The following DPP6 variants were observed in gnomAD, a reference collection of about 807,000 sequenced individuals.
DPP6 encodes the protein dipeptidyl peptidase like 6.
Under a neutral mutation model 122.6 loss-of-function variants are expected in DPP6, and 69 were observed. That is an observed-to-expected ratio of 0.56 (90% CI 0.46 to 0.69). DPP6 has a LOEUF of 0.69. Among genes scored for constraint, DPP6 ranks in the 30% least tolerant of loss-of-function variants. The pLI is 0.00. For synonymous variants in DPP6, 418 were observed against 433.1 expected (o/e 0.97, Z 0.43); for missense variants, 928 against 1,116.9 (o/e 0.83, Z 2.41).
intron 1 of DPP6, among the ~76,000 whole-genome samples, chr7:154,203,431 G>T (rs901100265): frequency 6.6e-6 from 1 of 152,054 alleles, no homozygotes; most frequent in Admixed American, 6.6e-5. Context: ...CCTTGTCCTC[G>T]CAGGTCATTC....
At chr7:154,159,978 A>G (rs1333542723) in intron 1 of DPP6, among the ~76,000 whole-genome samples, 6 of 152,328 alleles carry the variant, frequency 3.9e-5, no homozygotes, top group African/African-American at 1.2e-4. Context: ...GTATGGTGGC[A>G]CATGCCTTTA....
rs1451175285 is a variant in DPP6, at chr7:154,605,725, A to G, written c.628-32096A>G. Among the ~76,000 whole-genome samples the G allele has an allele frequency of 3.4e-5, 4 of 117,802 alleles. 1 individual carries two copies. The highest frequency in any genetic ancestry group is 1.1e-4 in the African/African-American group (4 of 37,340). 77.3% of individuals were successfully genotyped at this position (117,802 alleles called of 152,430 possible). ...CATTAGTACCTACTCTTATTGATTG[A>G]TTCCTTCTTTCTGCTATCTTTGCAT... is the stretch of plus-strand genomic sequence containing the variant. On this transcript the variant is annotated intron_variant, in intron 5 of 25. Transcript: ENST00000377770.
At chr7:154,787,385 CT>C (rs1282526538) in intron 10 of DPP6, among the ~76,000 whole-genome samples, 1 of 150,694 alleles carries the variant, frequency 6.6e-6, no homozygotes, top group Non-Finnish European at 1.5e-5. Flanking sequence ...CCTTTCCCTA[CT>C]GATTTGGAAT....
At chr7:153,933,539 C>T (rs529830516) in intron 1 of DPP6, among the ~76,000 whole-genome samples, 9 of 152,314 alleles carry the variant, frequency 5.9e-5, no homozygotes, top group Admixed American at 2.0e-4. Flanking sequence ...CACTATCTGG[C>T]GTTGCACCAG....
intron 2 of DPP6, among the ~76,000 whole-genome samples, chr7:154,453,125 G>C (rs556703645): frequency 6.6e-6 from 1 of 152,140 alleles, no homozygotes; most frequent in Non-Finnish European, 1.5e-5. Flanking sequence ...TGCCACAATC[G>C]CTGACGTGGG....
chr7:154,472,016 GA>G (rs1299760216), intron 2 of DPP6, among the ~76,000 whole-genome samples: 12 of 152,176 alleles, frequency 7.9e-5, no homozygotes, highest in Admixed American at 5.9e-4. Flanking sequence ...AGTCAAAAAG[GA>G]AAAACTTAAG....
chr7:153,772,925 TAAAAG>T, the DPP6 span, among the ~76,000 whole-genome samples: 15 of 142,298 alleles, frequency 1.1e-4, no homozygotes, highest in South Asian at 6.4e-4. Context: ...TAATAATATA[TAAAAG>T]AAAAGACTTT....
At chr7:154,362,716 T>C (rs1811833275) in intron 1 of DPP6, among the ~76,000 whole-genome samples, 1 of 152,002 alleles carries the variant, frequency 6.6e-6, no homozygotes, top group Non-Finnish European at 1.5e-5. Flanking sequence ...TGAGCCACCA[T>C]GCCTGGCCGC....
intron 1 of DPP6, among the ~76,000 whole-genome samples, chr7:154,444,589 T>C (rs1482523645): frequency 6.6e-6 from 1 of 152,252 alleles, no homozygotes; most frequent in African/African-American, 2.4e-5. Context: ...AATGGTTTCC[T>C]TGGAATTTCA....
chr7:154,230,618 A>C (rs1267987151), intron 1 of DPP6, among the ~76,000 whole-genome samples: 2 of 152,164 alleles, frequency 1.3e-5, no homozygotes, highest in Non-Finnish European at 2.9e-5. Flanking sequence ...TGTCCCCCTG[A>C]GTTAGATGTA....
intron 1 of DPP6, among the ~76,000 whole-genome samples, chr7:154,322,572 A>ACTCCTC (rs1190117099): frequency 1.3e-5 from 2 of 152,284 alleles, no homozygotes; most frequent in East Asian, 3.9e-4. Context: ...TGAGACCTGA[A>ACTCCTC]CTCCTCCTTC....
intron 2 of DPP6, among the ~76,000 whole-genome samples, chr7:154,468,081 G>C (rs6947300): frequency 0.12 from 18,716 of 152,172 alleles, 3,880 homozygotes; most frequent in African/African-American, 0.43. Context: ...TGCATGAAAA[G>C]ATGCTCAACA....
intron 1 of DPP6, among the ~76,000 whole-genome samples, chr7:154,203,620 T>C (rs909088729): frequency 2.0e-5 from 3 of 152,076 alleles, no homozygotes; most frequent in Non-Finnish European, 4.4e-5. Flanking sequence ...TCCTAATACA[T>C]ATGTGCGATG....
intron 7 of DPP6, among the ~76,000 whole-genome samples, chr7:154,695,626 C>T (rs1840173056): frequency 1.3e-5 from 2 of 152,054 alleles, no homozygotes. Context: ...AGGCTTCCTC[C>T]AGGAGATGGG....
At chr7:153,882,173 A>G (rs1017376775), upstream of DPP6, among the ~76,000 whole-genome samples, 1 of 152,208 alleles carries the variant, frequency 6.6e-6, no homozygotes, top group Non-Finnish European at 1.5e-5. Context: ...GATTTGTAAA[A>G]TAAATGCCGA....
In DPP6 at chr7:154,552,505, C is replaced by T. The variant is rs182531984; in HGVS notation, c.552+11879C>T. ...ACTCATCTGTACCACCCAGCAGGGG[C>T]GTCCAAGCTCACAATGGGTTTGTTG... On this transcript the variant is annotated intron_variant, in intron 4 of 25. Transcript: ENST00000377770. Among the ~76,000 whole-genome samples the T allele has an allele frequency of 1.4e-3, 210 of 152,312 alleles. 1 individual carries two copies. The highest frequency in any genetic ancestry group is 1.8e-3 in the Non-Finnish European group (122 of 68,022).
intron 1 of DPP6, among the ~76,000 whole-genome samples, chr7:154,259,153 T>C (rs1300905564): frequency 6.6e-6 from 1 of 152,202 alleles, no homozygotes; most frequent in Non-Finnish European, 1.5e-5. Flanking sequence ...ACTCAATTCC[T>C]GGGCTGCAAG....
chr7:153,821,862 G>C, the DPP6 span, among the ~76,000 whole-genome samples: 1 of 151,960 alleles, frequency 6.6e-6, no homozygotes, highest in Non-Finnish European at 1.5e-5. Flanking sequence ...CCAGTGACAA[G>C]CTCTGTGAGA....
chr7:154,591,066 G>C (rs6970199), intron 5 of DPP6, among the ~76,000 whole-genome samples: 7 of 151,896 alleles, frequency 4.6e-5, no homozygotes, highest in Non-Finnish European at 8.8e-5. Flanking sequence ...GTGATGAGTT[G>C]TGCCTTCCTT....
Sources: gnomAD v4.1 joint callset for allele counts (sites outside exome capture counted in the v4.1 genomes callset) on GRCh38, gnomAD v4.1.1 for gene constraint, MANE v1.5 for transcripts, NCBI Gene and HGNC (gene_info 2026-07-23, HGNC 2026-07-21) for gene names.